The following PCM1 variants were observed in gnomAD, a reference collection of about 807,000 sequenced individuals.
The protein encoded by PCM1 is pericentriolar material 1.
In PCM1, 157 loss-of-function variants were observed where a neutral mutation model predicts 241.9. The ratio of observed to expected loss-of-function variants is 0.65; its 90% CI spans 0.57 to 0.74. The LOEUF (loss-of-function observed/expected upper bound fraction) is 0.74. PCM1 is among the 30% of genes least tolerant of loss of function. PCM1 has a pLI of 0.00. For missense variants in PCM1, 3,478 were observed against 2,360.1 expected, an observed-to-expected ratio of 1.47 and a Z score of -9.81; for synonymous variants, 1,085 against 784.9, an observed-to-expected ratio of 1.38 and a Z score of -6.39.
chr8:17,950,821 A>T, intron 8 of PCM1, 97 bp downstream of exon 8: 1 of 741,422 alleles, frequency 1.3e-6, no homozygotes. Context: ...ACCTGGCATG[A>T]TTGTTGAGCA....
At chr8:17,937,755 T>C (rs117996013) in intron 4 of PCM1, among the ~76,000 whole-genome samples, 1 of 152,174 alleles carries the variant, frequency 6.6e-6, no homozygotes, top group Non-Finnish European at 1.5e-5. Context: ...ACCTCAAGTT[T>C]AGAATGAAAC....
Position 17,937,206 on chromosome 8 carries a change from G to A in PCM1, c.169G>A (p.Asp57Asn), listed in dbSNP as rs1330778992. 1.9e-6 allele frequency: 3 copies of A among 1,603,536 alleles called. No homozygotes were observed. The South Asian group carries it at 3.3e-5, about 18-fold the overall frequency. The change falls in exon 4 of 39, where the codon GAT (aspartate) becomes AAT (asparagine). Residue 57 changes from aspartate (D) to asparagine (N), a missense_variant. Transcript: ENST00000325083. ...TAAGAAAAAGTTTGGTGTAGAAAGT[G>A]ATAAAAGAGTAACCAATGATATTTC... ...KNKKKFGVES[D>N]KRVTNDISPE...
intron 4 of PCM1, 125 bp from the exon 5 acceptor site, chr8:17,938,615 T>C (rs2129449967): frequency 1.5e-6 from 1 of 655,904 alleles, no homozygotes; most frequent in African/African-American, 1.8e-5. Flanking sequence ...CAGGTCTTAG[T>C]GCAAAGCTCT....
chr8:17,981,767 C>G (rs997572809), intron 24 of PCM1, among the ~76,000 whole-genome samples: 1 of 151,828 alleles, frequency 6.6e-6, no homozygotes, highest in Non-Finnish European at 1.5e-5. Context: ...AAAGAGGGAA[C>G]TTTTTTTTGT....
intron 2 of PCM1, among the ~76,000 whole-genome samples, chr8:17,933,002 A>AT (rs1026732926): frequency 6.6e-6 from 1 of 152,094 alleles, no homozygotes; most frequent in East Asian, 1.9e-4. Flanking sequence ...GACTCAAACG[A>AT]TTTTTCCCCT....
At position 17,938,792 on chromosome 8, in the gene PCM1, G is replaced by T; in HGVS notation, c.395G>T (p.Arg132Leu). 1 of 1,612,462 alleles carries T rather than the reference G, an allele frequency of 6.2e-7. No individual in the cohort carries two copies. The highest frequency in any genetic ancestry group is 8.5e-7 in the Non-Finnish European group (1 of 1,178,474). The change falls in exon 5 of 39, where the codon CGT (arginine) becomes CTT (leucine). Residue 132 changes from arginine to leucine, a missense_variant. Arg to Leu is a moderately radical substitution (Grantham distance 102, BLOSUM62 -2). Transcript: ENST00000325083. ...QGRATAANNK[R>L]QLSENRKPFN... ...AGAGCAACAGCTGCTAACAACAAAC[G>T]TCAGCTTAGTGAAAACCGAAAGCCC...
At chr8:17,960,814 A>G (rs1369496432) in intron 15 of PCM1, among the ~76,000 whole-genome samples, 1 of 150,084 alleles carries the variant, frequency 6.7e-6, no homozygotes, top group Non-Finnish European at 1.5e-5. Flanking sequence ...GCGAGAAACT[A>G]CTCTTTTTTT....
chr8:18,011,590 C>A, intron 33 of PCM1, 77 bp from the exon 34 acceptor site: 3 of 1,320,082 alleles, frequency 2.3e-6, no homozygotes, highest in Non-Finnish European at 1.0e-6. Flanking sequence ...CTGTGCCATG[C>A]AGGAATGCAG....
chr8:17,981,992 C>T (rs573205685), intron 24 of PCM1, among the ~76,000 whole-genome samples: 8 of 151,978 alleles, frequency 5.3e-5, no homozygotes, highest in South Asian at 4.2e-4. Flanking sequence ...GCAAAAAGGC[C>T]GGAAGAAAAT....
Position 17,937,237 on chromosome 8 carries a change from A to C in PCM1, c.200A>C (p.Glu67Ala). The change falls in exon 4 of 39, where the codon GAG becomes GCG. Residue 67 changes from glutamate to alanine, a missense_variant. Glu to Ala is a moderately radical substitution (Grantham distance 107). Transcript: ENST00000325083. Reference sequence around the variant, plus strand: ...AGAGTAACCAATGATATTTCTCCGGAGTCGTCACCAGGAGTTGGAAGGCGA... The same window carrying C: ...AGAGTAACCAATGATATTTCTCCGGCGTCGTCACCAGGAGTTGGAAGGCGA... ...DKRVTNDISP[E>A]SSPGVGRRRT... The C allele has an allele frequency of 6.2e-7, 1 of 1,609,638 alleles. No homozygotes were observed. Among genetic ancestry groups the C allele is most frequent in the Non-Finnish European group, 8.5e-7 (1 of 1,176,964 alleles).
At chr8:18,015,612 G>C (rs972919709) in intron 36 of PCM1, 1 of 152,086 alleles carries the variant, frequency 6.6e-6, no homozygotes, top group East Asian at 1.9e-4. Context: ...TATTTTGTCA[G>C]TGGAACACTA....
rs375380679 is a variant in PCM1, at chr8:18,000,289, A to G, written c.4828-5974A>G. ...AAAGGGAGGCAAGGGCTAATTGTATAAAATATTACAGGCCATGGTTAGAAG... is the reference window on the plus strand; with the variant it reads ...AAAGGGAGGCAAGGGCTAATTGTATGAAATATTACAGGCCATGGTTAGAAG... On this transcript the variant is annotated intron_variant, in intron 29 of 38. Coordinates refer to ENST00000325083, the MANE Select transcript of PCM1 (RefSeq NM_006197.4). Among the ~76,000 whole-genome samples the G allele has an allele frequency of 1.0e-3, 152 of 152,320 alleles. No individual in the cohort carries two copies. The South Asian group carries it at 0.031, about 31-fold the overall frequency.
chr8:17,999,508 G>A (rs1049545549), intron 29 of PCM1, among the ~76,000 whole-genome samples: 1 of 152,048 alleles, frequency 6.6e-6, no homozygotes, highest in African/African-American at 2.4e-5. Flanking sequence ...GTGCCCTGTT[G>A]TAGCTGTGGC....
At chr8:18,025,062 A>T (rs1348667278) in intron 36 of PCM1, 1 of 247,142 alleles carries the variant, frequency 4.0e-6, no homozygotes, top group African/African-American at 2.3e-5. Flanking sequence ...ATATGAAAAA[A>T]CAAGAGTTGT....
At chr8:17,953,280 G>A in intron 9 of PCM1, 94 bp downstream of exon 9, 2 of 589,864 alleles carry the variant, frequency 3.4e-6, no homozygotes, top group Non-Finnish European at 5.5e-6. Flanking sequence ...TGAACACATA[G>A]CTCCTCAAAA....
At chr8:17,928,129 A>G (rs1449353370) in intron 2 of PCM1, among the ~76,000 whole-genome samples, 2 of 152,282 alleles carry the variant, frequency 1.3e-5, no homozygotes, top group African/African-American at 2.4e-5. Context: ...GTTTTCCTAC[A>G]GTTTCAACTT....
intron 29 of PCM1, among the ~76,000 whole-genome samples, chr8:18,000,012 G>T (rs1038544269): frequency 2.0e-5 from 3 of 152,148 alleles, no homozygotes; most frequent in African/African-American, 4.8e-5. Flanking sequence ...ATAAGTAACT[G>T]TTTATCAGTT....
Position 17,963,284 on chromosome 8 carries a change from A to G in PCM1, c.2647A>G (p.Thr883Ala). 2 of 1,581,500 alleles carry G rather than the reference A, an allele frequency of 1.3e-6. No homozygotes were observed. The highest frequency in any genetic ancestry group is 1.2e-5 in the South Asian group (1 of 83,150). The change falls in exon 17 of 39, where the codon ACA becomes GCA. Residue 883 changes from threonine to alanine, a missense_variant. Transcript: ENST00000325083. Reference protein sequence around the residue: ...ENLCTPQQSRTEKTMATWGGS... With the variant: ...ENLCTPQQSRAEKTMATWGGS... ...CCTATGTACTCCTCAGCAAAGTAGA[A>G]CAGAAAAGTAAGAGAGCTGCATAAA... is the stretch of plus-strand genomic sequence containing the variant.
chr8:17,999,406 T>C (rs2129482722), intron 29 of PCM1, among the ~76,000 whole-genome samples: 1 of 152,246 alleles, frequency 6.6e-6, no homozygotes, highest in Non-Finnish European at 1.5e-5. Context: ...GGTCTTTCCC[T>C]TTAAGGCAGT....
Sources: gnomAD v4.1 joint callset for allele counts (sites outside exome capture counted in the v4.1 genomes callset) on GRCh38, gnomAD v4.1.1 for gene constraint, MANE v1.5 for transcripts, NCBI Gene and HGNC (gene_info 2026-07-23, HGNC 2026-07-21) for gene names.